Variants in ACSM3 observed in about 807,000 individuals in gnomAD.
The protein encoded by ACSM3 is acyl-coenzyme A synthetase ACSM3, mitochondrial.
In ACSM3, 61 loss-of-function variants were observed where a neutral mutation model predicts 74.1. The ratio of observed to expected loss-of-function variants is 0.82; its 90% CI spans 0.67 to 1.02. The LOEUF (loss-of-function observed/expected upper bound fraction) is 1.02, where lower values mean the gene tolerates loss of function less well. Among genes scored for constraint, ACSM3 ranks in the 50% least tolerant of loss-of-function variants. ACSM3 has a pLI of 0.00. For synonymous variants in ACSM3, 213 were observed against 241.5 expected (o/e 0.88, Z 1.09); for missense variants, 660 against 697.0 (o/e 0.95, Z 0.60).
chr16:20,791,700 G>A (rs1490836788), intron 10 of ACSM3, among the ~76,000 whole-genome samples: 2 of 152,190 alleles, frequency 1.3e-5, no homozygotes, highest in African/African-American at 4.8e-5. Flanking sequence ...GCCAAGGTGG[G>A]CGGATCACTT....
intron 6 of ACSM3, 50 bp downstream of exon 6, chr16:20,781,180 T>C (rs372109773): frequency 6.9e-6 from 11 of 1,597,144 alleles, no homozygotes; most frequent in Non-Finnish European, 9.4e-6. Context: ...TTAAGCAGTA[T>C]GGCTGACAGA....
chr16:20,717,352 T>C (rs1003892288), intron 1 of ACSM3, among the ~76,000 whole-genome samples: 8 of 152,220 alleles, frequency 5.3e-5, no homozygotes, highest in Admixed American at 1.3e-4. Context: ...CCCCAGGAGC[T>C]ATACAGGACA....
In ACSM3 at chr16:20,711,518, T is replaced by A. The variant is rs556415366; in HGVS notation, c.-190+36696T>A. 4.9e-6 allele frequency: 7 copies of A among 1,417,126 alleles called. No individual in the cohort carries two copies. The African/African-American group carries it at 7.1e-5, about 14-fold the overall frequency. 87.8% of individuals were successfully genotyped at this position (1,417,126 alleles called of 1,614,324 possible). ...ACAATCCAGCTGACAGCAAAATATA[T>A]CCTCTACCGGCTGCAAGCATCCAAG... On this transcript the variant is annotated intron_variant, in intron 1 of 3. Transcript: ENST00000561584.
intron 6 of ACSM3, 121 bp from the exon 7 acceptor site, chr16:20,781,587 A>T: frequency 1.3e-6 from 1 of 796,008 alleles, no homozygotes. Context: ...TCTACAAGAA[A>T]AGGTAAGAAT....
intron 1 of ACSM3, among the ~76,000 whole-genome samples, chr16:20,701,385 T>C (rs2079712357): frequency 6.6e-6 from 1 of 152,152 alleles, no homozygotes; most frequent in African/African-American, 2.4e-5. Context: ...TGCATGGACT[T>C]GTATACTGTG....
chr16:20,685,723 G>A (rs533121812), intron 1 of ACSM3, among the ~76,000 whole-genome samples: 1 of 151,234 alleles, frequency 6.6e-6, no homozygotes, highest in African/African-American at 2.4e-5. Context: ...AGGAGGCTGA[G>A]GTAGGAGAAT....
intron 3 of ACSM3, among the ~76,000 whole-genome samples, chr16:20,756,437 G>C (rs1378379191): frequency 1.3e-5 from 2 of 151,890 alleles, no homozygotes; most frequent in Non-Finnish European, 2.9e-5. Flanking sequence ...GTCTTCTTTT[G>C]AGAAGTGTCT....
chr16:20,782,287 T>C (rs539794737), intron 7 of ACSM3, among the ~76,000 whole-genome samples: 5 of 152,268 alleles, frequency 3.3e-5, no homozygotes, highest in South Asian at 2.1e-4. Flanking sequence ...CAGGTGGTGT[T>C]TGGTTACATG....
At chr16:20,769,804 C>G (rs1040232988) in intron 1 of ACSM3, among the ~76,000 whole-genome samples, 180 bp from the exon 2 acceptor site, 21 of 152,136 alleles carry the variant, frequency 1.4e-4, no homozygotes, top group African/African-American at 4.3e-4. Flanking sequence ...CAGGGTTTCT[C>G]TGAGGATTTA....
intron 1 of ACSM3, among the ~76,000 whole-genome samples, chr16:20,718,012 AAG>A (rs2079771147): frequency 1.3e-5 from 2 of 148,806 alleles, no homozygotes. Context: ...GAAGAAGAAG[AAG>A]AAGAAGAAGA....
At chr16:20,768,824 G>A (rs1171604606) in intron 1 of ACSM3, among the ~76,000 whole-genome samples, 2 of 152,060 alleles carry the variant, frequency 1.3e-5, no homozygotes, top group Admixed American at 1.3e-4. Context: ...TTTCTTTGCA[G>A]GTGAAAAAGG....
Position 20,774,280 on chromosome 16 carries a change from T to TTG in ACSM3, c.220-1559_220-1558insTG, listed in dbSNP as rs559509095. ...TTTTTTGAGACAGCGTCTCACTCTG[T>TTG]CACCAGGCTGGAGTGCAGTGGCACG... On this transcript the variant is annotated intron_variant, in intron 2 of 13. Coordinates refer to ENST00000289416, the MANE Select transcript of ACSM3 (RefSeq NM_005622.4). 9.0e-3 allele frequency among the ~76,000 whole-genome samples: 1,335 copies of TTG among 148,854 alleles called. 24 individuals are homozygous for TTG. Among genetic ancestry groups the TTG allele is most frequent in the African/African-American group, 0.032 (1,270 of 39,950 alleles).
intron 1 of ACSM3, chr16:20,739,021 A>C (rs771879205): frequency 6.2e-7 from 1 of 1,614,198 alleles, no homozygotes; most frequent in Non-Finnish European, 8.5e-7. Context: ...CAGCCTCCGC[A>C]TCATCATCCT....
chr16:20,796,383 T>C lies in ACSM3; in HGVS notation c.1568T>C (p.Phe523Ser), dbSNP rs747436956. The C allele has an allele frequency of 3.1e-6, 5 of 1,611,180 alleles. No homozygotes were observed. Among genetic ancestry groups the C allele is most frequent in the Non-Finnish European group, 4.2e-6 (5 of 1,179,408 alleles). Residue 523 changes from phenylalanine to serine, a missense_variant, in exon 13 of 14, where the codon TTT becomes TCT. By Grantham distance (155) the Phe-to-Ser change is radical (BLOSUM62 -2). Transcript: ENST00000289416. ...DPIRGEVVKA[F>S]VVLNPDYKSH... The stretch of plus-strand genomic sequence containing the variant: ...TATTTATTTTAGGTAGTAAAGGCTT[T>C]TGTCGTTCTAAATCCTGATTACAAG...
Position 20,780,955 on chromosome 16 carries a change from C to G in ACSM3, c.783-19C>G, listed in dbSNP as rs1219777760. On this transcript the variant is annotated intron_variant, in intron 5 of 13. Coordinates refer to ENST00000289416, the MANE Select transcript of ACSM3 (RefSeq NM_005622.4). ...ATTTATTTTCCTATGTACATCAGGG[C>G]TACTCTTTGTTTTCCCAGGTTCTGG... 1.2e-6 allele frequency: 2 copies of G among 1,613,792 alleles called. No individual in the cohort carries two copies. Among genetic ancestry groups the G allele is most frequent in the Non-Finnish European group, 1.7e-6 (2 of 1,179,942 alleles).
chr16:20,680,997 C>CA (rs2079434156), intron 1 of ACSM3: 1 of 152,084 alleles, frequency 6.6e-6, no homozygotes, highest in Non-Finnish European at 1.5e-5. Flanking sequence ...AGCATAATCA[C>CA]AAAAATAGAC....
intron 12 of ACSM3, among the ~76,000 whole-genome samples, chr16:20,795,507 G>A (rs1352363490): frequency 6.6e-6 from 1 of 152,222 alleles, no homozygotes; most frequent in African/African-American, 2.4e-5. Flanking sequence ...CCAGATCAAA[G>A]TGGATAGGAA....
intron 3 of ACSM3, among the ~76,000 whole-genome samples, chr16:20,758,933 A>C (rs1173869945): frequency 6.6e-6 from 1 of 151,696 alleles, no homozygotes; most frequent in East Asian, 1.9e-4. Context: ...CATGTAGTTG[A>C]GCGGTTTTGA....
At chr16:20,748,744 C>G (rs1363561683) in intron 1 of ACSM3, among the ~76,000 whole-genome samples, 1 of 152,124 alleles carries the variant, frequency 6.6e-6, no homozygotes, top group Non-Finnish European at 1.5e-5. Context: ...CCTATTATAT[C>G]TAAACATGTT....
Sources: gnomAD v4.1 joint callset for allele counts (sites outside exome capture counted in the v4.1 genomes callset) on GRCh38, gnomAD v4.1.1 for gene constraint, MANE v1.5 for transcripts, NCBI Gene and HGNC (gene_info 2026-07-23, HGNC 2026-07-21) for gene names.